Variants in NRXN1 observed in about 807,000 individuals in gnomAD.
NRXN1 encodes neurexin-1.
A neutral mutation model predicts 150.9 loss-of-function variants in NRXN1; 39 were observed. The observed-to-expected ratio is 0.26, with a 90% CI of 0.20 to 0.34. The LOEUF is 0.34. Among genes scored for constraint, NRXN1 ranks in the 10% least tolerant of loss-of-function variants. The pLI, the probability that NRXN1 is intolerant of heterozygous loss-of-function variation, is 1.00. For missense variants in NRXN1, 1,815 were observed against 1,949.9 expected (o/e 0.93, Z 1.30); for synonymous variants, 924 against 757.0 (o/e 1.22, Z -3.62).
chr2:50,563,669 T>G (rs998762053), intron 8 of NRXN1, among the ~76,000 whole-genome samples: 2 of 152,238 alleles, frequency 1.3e-5, no homozygotes, highest in African/African-American at 4.8e-5. Flanking sequence ...AGATGGAATC[T>G]GAATGTTTGC....
At chr2:50,235,972 C>T (rs553197294) in intron 18 of NRXN1, among the ~76,000 whole-genome samples, 1 of 152,116 alleles carries the variant, frequency 6.6e-6, no homozygotes, top group Admixed American at 6.6e-5. Context: ...TAATAAAAGA[C>T]ACTGTGCTTC....
chr2:50,267,736 A>G (rs1400978755), intron 17 of NRXN1, among the ~76,000 whole-genome samples: 6 of 152,246 alleles, frequency 3.9e-5, no homozygotes, highest in Non-Finnish European at 8.8e-5. Context: ...AGGGTAAGCC[A>G]AATTAGAAGT....
At chr2:50,035,326 T>C (rs1689859403) in intron 21 of NRXN1, among the ~76,000 whole-genome samples, 1 of 152,122 alleles carries the variant, frequency 6.6e-6, no homozygotes. Flanking sequence ...TTTCCTTCCC[T>C]TACAGAGTCT....
intron 21 of NRXN1, among the ~76,000 whole-genome samples, chr2:50,035,533 T>G (rs566966010): frequency 6.6e-6 from 1 of 152,246 alleles, no homozygotes. Context: ...GATAATATTC[T>G]TATCCTCAGA....
chr2:50,278,469 C>T (rs1012931439), intron 17 of NRXN1, among the ~76,000 whole-genome samples: 1 of 150,112 alleles, frequency 6.7e-6, no homozygotes, highest in African/African-American at 2.5e-5. Context: ...ATAGATAGTA[C>T]CTTTAAAAAC....
chr2:50,843,147 C>A (rs971020158), intron 5 of NRXN1, among the ~76,000 whole-genome samples: 3 of 152,088 alleles, frequency 2.0e-5, no homozygotes, highest in Non-Finnish European at 2.9e-5. Flanking sequence ...AGACCTGGAC[C>A]CAGGGACAAG....
intron 19 of NRXN1, among the ~76,000 whole-genome samples, chr2:50,068,157 A>C (rs980851666): frequency 6.6e-6 from 1 of 152,072 alleles, no homozygotes; most frequent in Admixed American, 6.5e-5. Context: ...TTCCAGTTGT[A>C]ACTGGAATGC....
At position 50,998,371 on chromosome 2, in the gene NRXN1, C is replaced by G. The variant is rs1699594556; in HGVS notation, c.772+29131G>C. ...CATATAGGGTATTGAAATACAGAAG[C>G]CATTTCTTGTGTAGCACCCAAGGAA... On this transcript the variant is annotated intron_variant, in intron 2 of 22. Coordinates refer to ENST00000401669, the MANE Select transcript of NRXN1 (RefSeq NM_001330078.2). Among the ~76,000 whole-genome samples the G allele has an allele frequency of 2.8e-5, 3 of 106,208 alleles. No individual in the cohort carries two copies. In the South Asian group the frequency reaches 9.1e-4, roughly 32 times the overall value. The allele number at this position is 106,208 out of a possible 152,430, so 69.7% of individuals were successfully genotyped here.
chr2:50,485,291 G>A (rs947927808), intron 15 of NRXN1, among the ~76,000 whole-genome samples: 1 of 152,134 alleles, frequency 6.6e-6, no homozygotes, highest in African/African-American at 2.4e-5. Context: ...TGGTTCTAAG[G>A]CCCTTGAACC....
At chr2:50,984,334 T>C (rs1697340455) in intron 2 of NRXN1, among the ~76,000 whole-genome samples, 1 of 151,404 alleles carries the variant, frequency 6.6e-6, no homozygotes, top group Admixed American at 6.6e-5. Context: ...TATCTAAGAA[T>C]TAGAAAAAGG....
intron 8 of NRXN1, among the ~76,000 whole-genome samples, chr2:50,585,661 C>A (rs1177403525): frequency 6.6e-6 from 1 of 152,074 alleles, no homozygotes; most frequent in African/African-American, 2.4e-5. Flanking sequence ...GAAAATAAAG[C>A]AATCAAAATT....
intron 2 of NRXN1, among the ~76,000 whole-genome samples, chr2:51,005,940 C>T (rs1700661574): frequency 6.6e-6 from 1 of 151,590 alleles, no homozygotes; most frequent in African/African-American, 2.4e-5. Flanking sequence ...GAAGAGAAGA[C>T]AAAAGATATT....
At chr2:50,577,002 C>T (rs1223847578) in intron 8 of NRXN1, among the ~76,000 whole-genome samples, 1 of 152,092 alleles carries the variant, frequency 6.6e-6, no homozygotes, top group Non-Finnish European at 1.5e-5. Flanking sequence ...CATCAGCAGC[C>T]ATATTCTCAT....
chr2:50,265,995 ATTATT>A (rs2068804177), intron 17 of NRXN1, among the ~76,000 whole-genome samples: 1 of 76,860 alleles, frequency 1.3e-5, no homozygotes, highest in African/African-American at 7.4e-5. Context: ...TATTATTATT[ATTATT>A]TATTTTTTTT....
chr2:50,466,045 T>G (rs1257306830), intron 16 of NRXN1, among the ~76,000 whole-genome samples: 1 of 151,360 alleles, frequency 6.6e-6, no homozygotes, highest in Non-Finnish European at 1.5e-5. Context: ...TTATGATTGC[T>G]GGGTGTTTTG....
intron 17 of NRXN1, among the ~76,000 whole-genome samples, chr2:50,415,414 G>A (rs888777294): frequency 2.0e-5 from 3 of 152,016 alleles, no homozygotes; most frequent in Non-Finnish European, 4.4e-5. Flanking sequence ...TTGACAAAGT[G>A]CACTATGAAT....
intron 5 of NRXN1, among the ~76,000 whole-genome samples, chr2:50,709,642 A>C (rs1694888091): frequency 6.6e-6 from 1 of 152,220 alleles, no homozygotes; most frequent in Non-Finnish European, 1.5e-5. Flanking sequence ...GAAGACCAAG[A>C]GGAATCTGAA....
At chr2:50,953,212 G>T (rs1163162485) in intron 2 of NRXN1, among the ~76,000 whole-genome samples, 1 of 152,100 alleles carries the variant, frequency 6.6e-6, no homozygotes, top group Non-Finnish European at 1.5e-5. Context: ...TTCTGATTTA[G>T]CCATTTATTA....
intron 17 of NRXN1, among the ~76,000 whole-genome samples, chr2:50,418,871 T>C (rs1243288990): frequency 1.3e-5 from 2 of 152,034 alleles, no homozygotes; most frequent in Non-Finnish European, 2.9e-5. Context: ...TATTAACATG[T>C]TTAAAGGCAT....
Sources: gnomAD v4.1 joint callset for allele counts (sites outside exome capture counted in the v4.1 genomes callset) on GRCh38, gnomAD v4.1.1 for gene constraint, MANE v1.5 for transcripts, NCBI Gene and HGNC (gene_info 2026-07-23, HGNC 2026-07-21) for gene names.